The following NEK9 variants were observed in gnomAD, a reference collection of about 807,000 sequenced individuals.
NEK9 encodes NIMA related kinase 9, also known as serine/threonine-protein kinase Nek9.
A neutral mutation model predicts 123.4 loss-of-function variants in NEK9; 75 were observed. The ratio of observed to expected loss-of-function variants is 0.61; its 90% CI spans 0.50 to 0.74. NEK9 has a LOEUF of 0.74. Among genes scored for constraint, NEK9 ranks in the 30% least tolerant of loss-of-function variants. The pLI, the probability that NEK9 is intolerant of heterozygous loss-of-function variation, is 0.00. For missense variants in NEK9, 952 were observed against 1,214.4 expected (o/e 0.78, Z 3.21); for synonymous variants, 438 against 458.7 (o/e 0.95, Z 0.58).
At chr14:75,087,664 C>CT (rs1393560028) in intron 20 of NEK9, among the ~76,000 whole-genome samples, 3 of 152,148 alleles carry the variant, frequency 2.0e-5, no homozygotes, top group East Asian at 3.8e-4. Flanking sequence ...ACAGGACCAC[C>CT]AACACAATTT....
chr14:75,121,075 A>G, intron 3 of NEK9, 44 bp downstream of exon 3: 2 of 1,451,846 alleles, frequency 1.4e-6, no homozygotes, highest in Non-Finnish European at 1.9e-6. Context: ...TGCAAGAATT[A>G]CAACACTACA....
chr14:75,101,480 A>G (rs958538966), intron 15 of NEK9, among the ~76,000 whole-genome samples, 177 bp downstream of exon 15: 1 of 152,244 alleles, frequency 6.6e-6, no homozygotes, highest in African/African-American at 2.4e-5. Flanking sequence ...AAAAGGATGT[A>G]TTTATTATGC....
At position 75,106,551 on chromosome 14, in the gene NEK9, C is replaced by T; in HGVS notation, c.1479G>A (p.Val493=). The change falls in exon 12 of 22, where the codon GTG becomes GTA. Residue 493 remains valine (V), a synonymous_variant. Transcript: ENST00000238616. ...EQVSCGDNHV[V]VLTRNKEVYS... is the part of the protein sequence containing the mutation. ...AGACTTCCTTGTTTCGTGTCAGAAC[C>T]ACCACATGATTATCTCCACAGGAGA... 6.2e-6 allele frequency: 10 copies of T among 1,613,978 alleles called. No homozygotes were observed. The highest frequency in any genetic ancestry group is 8.5e-6 in the Non-Finnish European group (10 of 1,180,024).
At chr14:75,084,863 A>G (rs1893972525) in intron 21 of NEK9, 177 bp from the exon 22 acceptor site, 1 of 671,192 alleles carries the variant, frequency 1.5e-6, no homozygotes, top group Non-Finnish European at 2.4e-6. Flanking sequence ...CCATACCTTT[A>G]TATTTACTGC....
intron 16 of NEK9, among the ~76,000 whole-genome samples, chr14:75,097,947 T>TG: frequency 6.6e-6 from 1 of 152,290 alleles, no homozygotes; most frequent in Non-Finnish European, 1.5e-5. Flanking sequence ...AGGAGGTGGC[T>TG]GAGGTCCTGC....
chr14:75,106,729 A>C, intron 11 of NEK9, 27 bp from the exon 12 acceptor site: 2 of 1,578,110 alleles, frequency 1.3e-6, no homozygotes, highest in Non-Finnish European at 1.7e-6. Flanking sequence ...AACAGAATCC[A>C]TCAAAGGACT....
At chr14:75,085,189 G>A (rs1455725539) in intron 21 of NEK9, 1 of 154,742 alleles carries the variant, frequency 6.5e-6, no homozygotes, top group Admixed American at 6.3e-5. Context: ...ATTTTTGGTA[G>A]AGATGGGGTT....
At position 75,122,373 on chromosome 14, in the gene NEK9, T is replaced by C. The variant is rs557932798; in HGVS notation, c.398-1199A>G. 9.2e-5 allele frequency among the ~76,000 whole-genome samples: 14 copies of C among 152,326 alleles called. No homozygotes were observed. In the South Asian group the frequency reaches 2.7e-3, roughly 29 times the overall value. On this transcript the variant is annotated intron_variant, in intron 2 of 21. Transcript: ENST00000238616. ...CGAATATGCTGGGACCTCTTTAGCA[T>C]GCAGTTCAGAAAAGGGCTTTGGAGG...
intron 19 of NEK9, among the ~76,000 whole-genome samples, chr14:75,090,698 A>G (rs1344406640): frequency 6.6e-6 from 1 of 151,918 alleles, no homozygotes; most frequent in Non-Finnish European, 1.5e-5. Flanking sequence ...CAGCCTCCTG[A>G]GTAGCTGGAA....
chr14:75,125,139 T>C (rs1895479320), intron 1 of NEK9, among the ~76,000 whole-genome samples: 1 of 151,592 alleles, frequency 6.6e-6, no homozygotes, highest in South Asian at 2.1e-4. Context: ...TCCCCATCCT[T>C]TTGAATGCCT....
intron 1 of NEK9, among the ~76,000 whole-genome samples, chr14:75,124,775 CTT>C (rs34921975): frequency 2.5e-3 from 310 of 124,944 alleles, no homozygotes; most frequent in East Asian, 3.9e-3. Context: ...TGTCTACTAT[CTT>C]TTTTTTTTTT....
intron 15 of NEK9, 26 bp from the exon 16 acceptor site, chr14:75,101,179 C>A: frequency 6.2e-7 from 1 of 1,604,840 alleles, no homozygotes; most frequent in Non-Finnish European, 8.5e-7. Flanking sequence ...AAAGAAATAA[C>A]AAGGCACAAA....
At chr14:75,097,357 G>T in intron 16 of NEK9, 87 bp from the exon 17 acceptor site, 1 of 1,135,424 alleles carries the variant, frequency 8.8e-7, no homozygotes, top group Non-Finnish European at 1.2e-6. Context: ...CCTAGAGCTA[G>T]AAAGACTTCC....
At chr14:75,120,402 A>C (rs1052867485) in intron 4 of NEK9, 108 bp downstream of exon 4, 1 of 667,692 alleles carries the variant, frequency 1.5e-6, no homozygotes, top group African/African-American at 1.8e-5. Flanking sequence ...TCAATGGAAA[A>C]ACTCTTGGCT....
At chr14:75,124,703 CATGACCCCTTTTGCAACTCT>C (rs945667668) in intron 1 of NEK9, among the ~76,000 whole-genome samples, 13 of 151,404 alleles carry the variant, frequency 8.6e-5, no homozygotes, top group South Asian at 8.3e-4. Flanking sequence ...TAAGAGAAGT[CATGACCCCTTTTGCAACTCT>C]ATAATCTCCT....
intron 16 of NEK9, among the ~76,000 whole-genome samples, chr14:75,100,434 G>A (rs1026464302): frequency 2.6e-5 from 4 of 152,112 alleles, no homozygotes; most frequent in African/African-American, 4.8e-5. Flanking sequence ...CAACAAGAGC[G>A]AAACTCTGTT....
intron 3 of NEK9, chr14:75,120,798 TA>T (rs1324399383): frequency 1.4e-5 from 8 of 584,478 alleles, no homozygotes; most frequent in Non-Finnish European, 2.4e-5. Context: ...AATGTCATTA[TA>T]ATATATAGTA....
Position 75,105,967 on chromosome 14 carries a change from A to C in NEK9, c.1558T>G (p.Tyr520Asp). 6.2e-7 allele frequency: 1 copy of C among 1,613,710 alleles called. No individual in the cohort carries two copies. The highest frequency in any genetic ancestry group is 1.3e-5 in the African/African-American group (1 of 75,044). Reference protein sequence around the residue: ...GRLGLDSEEDYYTPQKVDVPK... With the variant: ...GRLGLDSEEDDYTPQKVDVPK... ...GATTTTACCTTTTGTGGTGTATAAT[A>C]ATCCTCTTCTGAATCCAAACCCAGT... The change falls in exon 13 of 22, where the codon TAT becomes GAT. Residue 520 changes from tyrosine to aspartate, a missense_variant. Physicochemically the swap from Tyr to Asp is radical, Grantham distance 160 (BLOSUM62 -3). This residue lies in a region of NEK9 where 698 missense variants were observed against 875.6 expected (regional missense o/e 0.80). Coordinates refer to ENST00000238616, the MANE Select transcript of NEK9 (RefSeq NM_033116.6).
rs556553182 is a variant in NEK9 at position 75,088,416 on chromosome 14, A to G, written c.2604+64T>C. 7 of 1,533,572 alleles carry G rather than the reference A, an allele frequency of 4.6e-6. No individual in the cohort carries two copies. The South Asian group carries it at 7.1e-5, about 15-fold the overall frequency. 95.0% of individuals were successfully genotyped at this position (1,533,572 alleles called of 1,614,324 possible). On this transcript the variant is annotated intron_variant, in intron 20 of 21. Coordinates refer to ENST00000238616, the MANE Select transcript of NEK9 (RefSeq NM_033116.6). ...CCAAAAGCTAGAGCGAGGCCAGAAG[A>G]ACCAGGCAGAGCTTGCAGTGACTGT... is the stretch of plus-strand genomic sequence containing the variant.
Sources: gnomAD v4.1 joint callset for allele counts (sites outside exome capture counted in the v4.1 genomes callset) on GRCh38, gnomAD v4.1.1 for gene constraint, gnomAD v4.1.1 regional missense constraint, MANE v1.5 for transcripts, NCBI Gene and HGNC (gene_info 2026-07-23, HGNC 2026-07-21) for gene names.